The following PADI6 variants were observed in gnomAD, a reference collection of about 807,000 sequenced individuals.
PADI6 encodes the protein inactive protein-arginine deiminase type-6.
PADI6 carries 66 observed loss-of-function variants against 78.2 expected under a neutral mutation model. That is an observed-to-expected ratio of 0.84 (90% CI 0.69 to 1.04). The LOEUF is 1.04. Among genes scored for constraint, PADI6 ranks in the 50% least tolerant of loss-of-function variants. The probability of loss-of-function intolerance (pLI) is 0.00; values close to 1 mark genes in which losing one functional copy is unlikely to be tolerated. For synonymous variants in PADI6, 397 were observed against 346.9 expected (o/e 1.14, Z -1.60); for missense variants, 854 against 866.1 (o/e 0.99, Z 0.18).
chr1:17,385,415 G>T (rs766498031), intron 6 of PADI6, among the ~76,000 whole-genome samples: 1 of 152,148 alleles, frequency 6.6e-6, no homozygotes, highest in Non-Finnish European at 1.5e-5. Flanking sequence ...CTCTGAGAAG[G>T]GTCAAAGGGA....
chr1:17,381,381 T>C (rs1024046589), intron 5 of PADI6, among the ~76,000 whole-genome samples: 1 of 152,194 alleles, frequency 6.6e-6, no homozygotes, highest in African/African-American at 2.4e-5. Context: ...GGTGGTTACT[T>C]GTTTCCTAGC....
At chr1:17,375,386 C>A (rs74058753) in intron 2 of PADI6, 41 bp from the exon 3 acceptor site, 5 of 1,564,682 alleles carry the variant, frequency 3.2e-6, no homozygotes, top group East Asian at 4.6e-5. Context: ...TGGCACCTCC[C>A]GTCCAACACT....
intron 2 of PADI6, among the ~76,000 whole-genome samples, chr1:17,373,774 G>A (rs921884929): frequency 6.6e-6 from 1 of 152,174 alleles, no homozygotes; most frequent in Admixed American, 6.6e-5. Context: ...TTACAGGCAT[G>A]AGCCACCACA....
chr1:17,396,988 C>G, intron 13 of PADI6, 83 bp from the exon 14 acceptor site: 17 of 1,386,786 alleles, frequency 1.2e-5, no homozygotes, highest in Non-Finnish European at 1.7e-5. Flanking sequence ...ACCCAGGTGG[C>G]TGGGCCTGGC....
At chr1:17,386,925 C>G in intron 6 of PADI6, among the ~76,000 whole-genome samples, 1 of 152,276 alleles carries the variant, frequency 6.6e-6, no homozygotes, top group South Asian at 2.1e-4. Flanking sequence ...CTGGCAGTGC[C>G]GTGCAGAAGG....
intron 2 of PADI6, among the ~76,000 whole-genome samples, chr1:17,374,734 G>A (rs958052891): frequency 2.0e-5 from 3 of 152,176 alleles, no homozygotes; most frequent in Non-Finnish European, 4.4e-5. Context: ...GGACCCTCAG[G>A]AGTGGCCAAC....
chr1:17,396,626 G>C (rs2075249940), intron 13 of PADI6, among the ~76,000 whole-genome samples: 1 of 151,732 alleles, frequency 6.6e-6, no homozygotes, highest in Non-Finnish European at 1.5e-5. Flanking sequence ...ACATGACAAA[G>C]ACTATCACCT....
intron 6 of PADI6, among the ~76,000 whole-genome samples, chr1:17,382,355 C>G (rs916012057): frequency 6.6e-6 from 1 of 152,234 alleles, no homozygotes; most frequent in African/African-American, 2.4e-5. Flanking sequence ...TGTGCCTTCC[C>G]TGCAGGCTAG....
chr1:17,401,514 C>A lies in PADI6; in HGVS notation c.*76C>A. ...CACCATGCAACAGCATGATTCTTTGCCCAGTAGAGGAGGCTGGAGAGTCCA... is the reference window on the plus strand; with the variant it reads ...CACCATGCAACAGCATGATTCTTTGACCAGTAGAGGAGGCTGGAGAGTCCA... On this transcript the variant is annotated 3_prime_UTR_variant, in exon 16 of 16. Transcript: ENST00000619609. 2 of 1,334,036 alleles carry A rather than the reference C, an allele frequency of 1.5e-6. No homozygotes were observed. The highest frequency in any genetic ancestry group is 2.1e-6 in the Non-Finnish European group (2 of 954,756). The allele number at this position is 1,334,036 out of a possible 1,614,324, so 82.6% of individuals were successfully genotyped here.
intron 2 of PADI6, 62 bp from the exon 3 acceptor site, chr1:17,375,365 G>A (rs1454257110): frequency 1.2e-5 from 17 of 1,457,108 alleles, no homozygotes; most frequent in Non-Finnish European, 1.5e-5. Context: ...CATGGCCTGG[G>A]GCTCTGTTCC....
chr1:17,390,056 T>A (rs2075166899), intron 8 of PADI6, among the ~76,000 whole-genome samples: 1 of 152,174 alleles, frequency 6.6e-6, no homozygotes, highest in Non-Finnish European at 1.5e-5. Flanking sequence ...CCCAGCACTT[T>A]GGGAGGCCGA....
At chr1:17,379,866 G>A (rs1328802734) in intron 3 of PADI6, 54 bp from the exon 4 acceptor site, 2 of 1,526,022 alleles carry the variant, frequency 1.3e-6, no homozygotes, top group East Asian at 2.3e-5. Flanking sequence ...CTATAACTTT[G>A]AGGTTCCATC....
chr1:17,393,211 G>C (rs1570146256), intron 9 of PADI6, among the ~76,000 whole-genome samples: 3 of 152,144 alleles, frequency 2.0e-5, no homozygotes, highest in African/African-American at 7.2e-5. Flanking sequence ...ACAGATCACA[G>C]TGAACAAAGG....
intron 3 of PADI6, 53 bp from the exon 4 acceptor site, chr1:17,379,867 A>G: frequency 6.5e-7 from 1 of 1,527,660 alleles, no homozygotes; most frequent in Non-Finnish European, 9.1e-7. Context: ...TATAACTTTG[A>G]GGTTCCATCT....
chr1:17,373,350 G>A (rs1221382535), intron 2 of PADI6, 117 bp downstream of exon 2: 11 of 1,221,406 alleles, frequency 9.0e-6, no homozygotes, highest in Middle Eastern at 5.6e-4. Flanking sequence ...TGTTTTGCAC[G>A]TCTGATCTCA....
Position 17,381,975 on chromosome 1 carries a change from A to C in PADI6, c.562A>C (p.Asn188His). 1 of 1,613,912 alleles carries C rather than the reference A, an allele frequency of 6.2e-7. No homozygotes were observed. Among genetic ancestry groups the C allele is most frequent in the Non-Finnish European group, 8.5e-7 (1 of 1,179,824 alleles). ...KKVIFSEEIT[N>H]LSQMTLNVQG... ...CTTTGTCTTTTGCCCAGAAATAACG[A>C]ATCTGTCCCAGATGACTCTGAATGT... Residue 188 changes from asparagine (N) to histidine (H), a missense_variant, in exon 6 of 16, where the codon AAT (asparagine) becomes CAT (histidine). Transcript: ENST00000619609.
Position 17,401,537 on chromosome 1 carries a change from C to G in PADI6, c.*99C>G. The G allele has an allele frequency of 8.9e-7, 1 of 1,119,348 alleles. No individual in the cohort carries two copies. The highest frequency in any genetic ancestry group is 1.5e-5 in the South Asian group (1 of 65,058). The allele number at this position is 1,119,348 out of a possible 1,614,324, so 69.3% of individuals were successfully genotyped here. On this transcript the variant is annotated 3_prime_UTR_variant, in exon 16 of 16. Transcript: ENST00000619609. The stretch of plus-strand genomic sequence containing the variant: ...TGCCCAGTAGAGGAGGCTGGAGAGT[C>G]CAGGCAACAGAACCCTTTCTTCCCT...
intron 4 of PADI6, among the ~76,000 whole-genome samples, chr1:17,380,431 G>A (rs939623721): frequency 1.3e-5 from 2 of 152,094 alleles, no homozygotes; most frequent in Admixed American, 6.6e-5. Flanking sequence ...GCAGTGGCAC[G>A]ATCTCAGCTC....
chr1:17,374,727 C>T (rs1028305055), intron 2 of PADI6, among the ~76,000 whole-genome samples: 48 of 152,098 alleles, frequency 3.2e-4, no homozygotes, highest in African/African-American at 1.1e-3. Flanking sequence ...GCCTCCAGGA[C>T]CCTCAGGAGT....
Sources: allele counts gnomAD v4.1 joint callset (sites outside exome capture counted in the v4.1 genomes callset), GRCh38; gene constraint gnomAD v4.1.1; transcripts MANE v1.5; gene names NCBI Gene and HGNC (gene_info 2026-07-23, HGNC 2026-07-21).